Variants in VCL observed in about 807,000 individuals in gnomAD.
VCL encodes vinculin.
Under a neutral mutation model 125.7 loss-of-function variants are expected in VCL, and 47 were observed. The observed-to-expected ratio is 0.37, with a 90% CI of 0.30 to 0.48. VCL has a LOEUF of 0.48. VCL is among the 20% of genes least tolerant of loss of function. The pLI, the probability that VCL is intolerant of heterozygous loss-of-function variation, is 0.99. For synonymous variants in VCL, 458 were observed against 514.6 expected (o/e 0.89, Z 1.49); for missense variants, 1,069 against 1,455.5 (o/e 0.73, Z 4.32).
intron 1 of VCL, among the ~76,000 whole-genome samples, chr10:73,999,391 A>G (rs1344551319): frequency 1.3e-5 from 2 of 152,202 alleles, no homozygotes; most frequent in Non-Finnish European, 2.9e-5. Flanking sequence ...GGTGGAGCCC[A>G]CGTCTGAAAT....
rs775532849 is a variant in VCL at position 74,095,711 on chromosome 10, G to A, written c.1599G>A (p.Met533Ile). Residue 533 changes from methionine to isoleucine, a missense_variant, in exon 12 of 22, where the codon ATG (methionine) becomes ATA (isoleucine). Physicochemically the swap from Met to Ile is conservative, Grantham distance 10 (BLOSUM62 1). Around this residue, in one of 6 missense-constraint regions of VCL, gnomAD observed 760 missense variants for 928.9 expected, o/e 0.82. Transcript: ENST00000211998. The stretch of plus-strand genomic sequence containing the variant: ...AAGGGCATCGTCTGGCTAATGTTAT[G>A]ATGGGGCCTTATCGGCAAGATCTTC... ...VAEGHRLANV[M>I]MGPYRQDLLA... 1.9e-6 allele frequency: 3 copies of A among 1,614,082 alleles called. No homozygotes were observed. The highest frequency in any genetic ancestry group is 1.7e-5 in the Admixed American group (1 of 60,014).
At chr10:74,095,092 T>C (rs1839945404) in intron 11 of VCL, among the ~76,000 whole-genome samples, 1 of 152,206 alleles carries the variant, frequency 6.6e-6, no homozygotes, top group Non-Finnish European at 1.5e-5. Context: ...ACAAAGTTCA[T>C]ACCCATTGAC....
At chr10:74,063,198 C>T (rs1351527248) in intron 2 of VCL, among the ~76,000 whole-genome samples, 3 of 152,164 alleles carry the variant, frequency 2.0e-5, no homozygotes, top group Non-Finnish European at 2.9e-5. Context: ...ACACCAGGCC[C>T]GAGGTTGGTT....
intron 2 of VCL, among the ~76,000 whole-genome samples, chr10:74,051,485 G>A (rs10762575): frequency 6.6e-6 from 1 of 152,006 alleles, no homozygotes; most frequent in Non-Finnish European, 1.5e-5. Flanking sequence ...TAAATACCTT[G>A]TATGAGCTGG....
rs867142975 is a variant in VCL, at chr10:74,077,527, G to A, written c.783+2624G>A. On this transcript the variant is annotated intron_variant, in intron 6 of 21. Coordinates refer to ENST00000211998, the MANE Select transcript of VCL (RefSeq NM_014000.3). ...CTCTTTTTCAGTTTTGTAGCATTAC[G>A]CATCTTTCATTGCTCCACTGTAAGC... 12 of 181,236 alleles carry A rather than the reference G, an allele frequency of 6.6e-5. No individual in the cohort carries two copies. In the Middle Eastern group the frequency reaches 5.9e-3, roughly 89 times the overall value. The allele number at this position is 181,236 out of a possible 1,614,324, so 11.2% of individuals were successfully genotyped here. A position where few individuals can be genotyped will look rare whatever the true frequency, so the allele number is the denominator to read the frequency against.
At chr10:74,120,690 G>A (rs926787684), downstream of VCL, 32 of 152,188 alleles carry the variant, frequency 2.1e-4, no homozygotes, top group African/African-American at 7.7e-4. Flanking sequence ...GCTAATTTTT[G>A]TATTTTTAGT....
At chr10:74,115,562 A>T (rs1380608394) in intron 21 of VCL, among the ~76,000 whole-genome samples, 2 of 152,068 alleles carry the variant, frequency 1.3e-5, no homozygotes, top group Non-Finnish European at 2.9e-5. Context: ...TTACCCTTGG[A>T]ATAAGTTTGG....
chr10:74,017,817 G>T (rs1393868756), intron 1 of VCL, among the ~76,000 whole-genome samples: 2 of 151,864 alleles, frequency 1.3e-5, no homozygotes, highest in Admixed American at 1.3e-4. Flanking sequence ...TTGGAGTATA[G>T]AAACTATAAG....
intron 13 of VCL, among the ~76,000 whole-genome samples, chr10:74,099,091 C>A (rs959763165): frequency 2.0e-5 from 3 of 152,222 alleles, no homozygotes; most frequent in Non-Finnish European, 2.9e-5. Context: ...CTGCATAGCT[C>A]TAACTGGTCT....
chr10:74,095,828 T>G lies in VCL; in HGVS notation c.1716T>G (p.Leu572=), dbSNP rs189781480. ...GGGAGAGTCCTCAGGCACGAGCACT[T>G]GCATCTCAGCTCCAAGACTCCTTAA... ...GEGESPQARA[L]ASQLQDSLKD... is the part of the protein sequence containing the mutation. Residue 572 remains leucine, a synonymous_variant, in exon 12 of 22, where the codon CTT becomes CTG. Coordinates refer to ENST00000211998, the MANE Select transcript of VCL (RefSeq NM_014000.3). 312 of 1,614,022 alleles carry G rather than the reference T, an allele frequency of 1.9e-4. 3 individuals carry two copies. The East Asian group carries it at 6.6e-3, about 34-fold the overall frequency.
At chr10:74,048,262 A>G (rs977683557) in intron 2 of VCL, among the ~76,000 whole-genome samples, 4 of 152,134 alleles carry the variant, frequency 2.6e-5, no homozygotes, top group African/African-American at 9.7e-5. Flanking sequence ...TGAGGTCAAG[A>G]GTTCAAAACC....
rs1840049571 is a variant in VCL, at chr10:74,101,240, C to A, written c.2022+143C>A. ...CACGGTAGCACCTATAATTCCGGCA[C>A]TTTGGGAGGGTGAGGCGGGAGGACT... is the stretch of plus-strand genomic sequence containing the variant. On this transcript the variant is annotated intron_variant, in intron 14 of 21. Coordinates refer to ENST00000211998, the MANE Select transcript of VCL (RefSeq NM_014000.3). 9.7e-6 allele frequency: 12 copies of A among 1,240,996 alleles called. No individual in the cohort carries two copies. In the South Asian group the frequency reaches 1.5e-4, roughly 15 times the overall value. 76.9% of individuals were successfully genotyped at this position (1,240,996 alleles called of 1,614,324 possible).
intron 1 of VCL, among the ~76,000 whole-genome samples, chr10:74,005,489 C>T (rs1840305898): frequency 6.6e-6 from 1 of 152,128 alleles, no homozygotes; most frequent in Non-Finnish European, 1.5e-5. Context: ...CTCCTGACCT[C>T]ATGTGATCCA....
At chr10:74,115,492 G>A (rs1304287755) in intron 21 of VCL, among the ~76,000 whole-genome samples, 2 of 152,214 alleles carry the variant, frequency 1.3e-5, no homozygotes, top group Admixed American at 6.5e-5. Context: ...GAGGTCTAGA[G>A]AGGTTAAGTG....
rs186763823 is a variant in VCL at position 74,041,264 on chromosome 10, A to G, written c.169-1819A>G. Among the ~76,000 whole-genome samples the G allele has an allele frequency of 2.9e-4, 44 of 152,214 alleles. 1 individual carries two copies. The highest frequency in any genetic ancestry group is 1.1e-3 in the African/African-American group (44 of 41,542). On this transcript the variant is annotated intron_variant, in intron 1 of 21. Transcript: ENST00000211998. Reference sequence around the variant, plus strand: ...TTTTTTTAATTTCACAGATTTCTACATTAAAATATGGTTTATAAATATGAT... The same window carrying G: ...TTTTTTTAATTTCACAGATTTCTACGTTAAAATATGGTTTATAAATATGAT...
rs888532588 is a variant in VCL at position 74,022,533 on chromosome 10, G to A, written c.169-20550G>A. On this transcript the variant is annotated intron_variant, in intron 1 of 21. Coordinates refer to ENST00000211998, the MANE Select transcript of VCL (RefSeq NM_014000.3). ...TGAACTCCAGCTTGGGTGACAGAGC[G>A]AGACTCCGTCTCAAGAAAAAATAAA... Among the ~76,000 whole-genome samples the A allele has an allele frequency of 5.9e-5, 9 of 151,816 alleles. No homozygotes were observed. In the East Asian group the frequency reaches 1.4e-3, roughly 23 times the overall value.
At position 74,086,967 on chromosome 10, in the gene VCL, A is replaced by G. The variant is rs537172078; in HGVS notation, c.1023-2229A>G. Among the ~76,000 whole-genome samples the G allele has an allele frequency of 2.0e-5, 3 of 152,264 alleles. No individual in the cohort carries two copies. In the East Asian group the frequency reaches 5.8e-4, roughly 29 times the overall value. On this transcript the variant is annotated intron_variant, in intron 8 of 21. Coordinates refer to ENST00000211998, the MANE Select transcript of VCL (RefSeq NM_014000.3). ...AAATCTTTCTGTTTTGAATGAAAAA[A>G]CTGTGTAGCCCATAAATAGTTTTAC...
intron 1 of VCL, among the ~76,000 whole-genome samples, chr10:74,001,294 C>T (rs894538938): frequency 7.2e-5 from 11 of 152,142 alleles, no homozygotes; most frequent in African/African-American, 2.7e-4. Flanking sequence ...TCCTGGAGGT[C>T]AAGCCTTGTC....
At chr10:74,032,869 A>T (rs1840907612) in intron 1 of VCL, among the ~76,000 whole-genome samples, 1 of 152,130 alleles carries the variant, frequency 6.6e-6, no homozygotes, top group Non-Finnish European at 1.5e-5. Flanking sequence ...GCTGTAATTA[A>T]AAAGATAATA....
Sources: gnomAD v4.1 joint callset for allele counts (sites outside exome capture counted in the v4.1 genomes callset) on GRCh38, gnomAD v4.1.1 for gene constraint, gnomAD v4.1.1 regional missense constraint, MANE v1.5 for transcripts, NCBI Gene and HGNC (gene_info 2026-07-23, HGNC 2026-07-21) for gene names.